USH2A: variants seen among roughly 807,000 people sequenced by gnomAD.
USH2A encodes usherin.
A neutral mutation model predicts 538.9 loss-of-function variants in USH2A; 443 were observed. The ratio of observed to expected loss-of-function variants is 0.82; its 90% CI spans 0.76 to 0.89. USH2A has a LOEUF of 0.89. USH2A is among the 40% of genes least tolerant of loss of function. The pLI is 0.00. For missense variants in USH2A, 6,633 were observed against 6,324.8 expected, an observed-to-expected ratio of 1.05 and a Z score of -1.65; for synonymous variants, 2,413 against 2,273.5, an observed-to-expected ratio of 1.06 and a Z score of -1.75.
In USH2A at chr1:215,680,191, T is replaced by C. The variant is rs769567795; in HGVS notation, c.12252A>G (p.Leu4084=). The change falls in exon 62 of 72, where the codon CTA becomes CTG. Residue 4084 remains leucine (L), a synonymous_variant. Coordinates refer to ENST00000307340, the MANE Select transcript of USH2A (RefSeq NM_206933.4). ...TTCTCATAGGTTCTGACCACTGTAG[T>C]AGCAATGCCCGGCCATTCTCTTTCT... ...VEQKENGRAL[L]LQWSEPMRTN... is the part of the protein sequence containing the mutation. The C allele has an allele frequency of 3.1e-6, 5 of 1,614,184 alleles. No individual in the cohort carries two copies. The highest frequency in any genetic ancestry group is 1.6e-4 in the Middle Eastern group (1 of 6,062).
At chr1:215,916,059 GA>G (rs1217614894) in intron 38 of USH2A, among the ~76,000 whole-genome samples, 16 of 103,126 alleles carry the variant, frequency 1.6e-4, no homozygotes, top group African/African-American at 6.0e-4. Flanking sequence ...AGGGGGGAGG[GA>G]TAGCTTTAGG....
chr1:216,145,484 TA>T (rs953466670), intron 21 of USH2A, among the ~76,000 whole-genome samples: 11 of 152,126 alleles, frequency 7.2e-5, no homozygotes, highest in African/African-American at 1.9e-4. Flanking sequence ...ATTTTAAGAT[TA>T]AAAAAAATCT....
At chr1:216,072,740 T>A in intron 29 of USH2A, 149 bp downstream of exon 29, 1 of 749,608 alleles carries the variant, frequency 1.3e-6, no homozygotes. Flanking sequence ...ATTTTAGCCA[T>A]TGACAGATGT....
intron 16 of USH2A, 26 bp from the exon 17 acceptor site, chr1:216,200,147 C>A (rs769929690): frequency 1.1e-4 from 170 of 1,559,550 alleles, no homozygotes; most frequent in Admixed American, 3.2e-4. Context: ...AAAAAAAAAA[C>A]AAAGTTACAT....
At chr1:216,378,797 G>A (rs2038882402) in intron 3 of USH2A, among the ~76,000 whole-genome samples, 1 of 151,472 alleles carries the variant, frequency 6.6e-6, no homozygotes, top group Non-Finnish European at 1.5e-5. Context: ...ATAGAACAAA[G>A]CCCATTTGAC....
chr1:215,860,542 T>C (rs1175693359), intron 44 of USH2A, among the ~76,000 whole-genome samples: 2 of 152,174 alleles, frequency 1.3e-5, no homozygotes, highest in Non-Finnish European at 1.5e-5. Context: ...ACCTAATATA[T>C]GAAAATCAAA....
intron 58 of USH2A, among the ~76,000 whole-genome samples, chr1:215,752,711 A>G (rs1039303993): frequency 1.3e-5 from 2 of 152,194 alleles, no homozygotes; most frequent in Admixed American, 1.3e-4. Context: ...TGATGCCCCC[A>G]GTAAAATATT....
At chr1:216,135,161 C>CA (rs1247010266) in intron 21 of USH2A, among the ~76,000 whole-genome samples, 1 of 110,174 alleles carries the variant, frequency 9.1e-6, no homozygotes, top group Non-Finnish European at 1.8e-5. Flanking sequence ...CTCTCTCTCT[C>CA]TCTCTCACAC....
At chr1:216,165,323 T>A (rs941742038) in intron 21 of USH2A, among the ~76,000 whole-genome samples, 5 of 152,180 alleles carry the variant, frequency 3.3e-5, no homozygotes, top group Admixed American at 6.6e-5. Flanking sequence ...ATCTAAGAGA[T>A]GTGCAACCAC....
chr1:216,275,653 T>A (rs1462506856), intron 11 of USH2A, among the ~76,000 whole-genome samples: 1 of 152,126 alleles, frequency 6.6e-6, no homozygotes, highest in Non-Finnish European at 1.5e-5. Context: ...AGTAACTTTA[T>A]AAAATATTCA....
intron 44 of USH2A, among the ~76,000 whole-genome samples, chr1:215,852,763 G>A (rs778589322): frequency 1.3e-5 from 2 of 152,200 alleles, no homozygotes; most frequent in Non-Finnish European, 2.9e-5. Context: ...ATCAAGCAGG[G>A]AAGTCAAATC....
intron 4 of USH2A, among the ~76,000 whole-genome samples, chr1:216,339,483 G>A (rs2102676363): frequency 6.6e-6 from 1 of 151,824 alleles, no homozygotes; most frequent in East Asian, 1.9e-4. Context: ...AATGCAGAAT[G>A]TGGGAGGAGG....
chr1:216,181,828 T>C (rs2034499476), intron 20 of USH2A, among the ~76,000 whole-genome samples: 1 of 152,140 alleles, frequency 6.6e-6, no homozygotes, highest in Non-Finnish European at 1.5e-5. Context: ...TTCATCATTT[T>C]CAAGTCTCCT....
At chr1:216,051,713 A>T (rs1488385243) in intron 30 of USH2A, among the ~76,000 whole-genome samples, 1 of 152,222 alleles carries the variant, frequency 6.6e-6, no homozygotes, top group African/African-American at 2.4e-5. Context: ...GCATAGGAAC[A>T]CCATGCCCAA....
At chr1:215,775,607 C>G (rs1014120414) in intron 55 of USH2A, among the ~76,000 whole-genome samples, 2 of 152,270 alleles carry the variant, frequency 1.3e-5, no homozygotes, top group South Asian at 4.2e-4. Flanking sequence ...GTGATAATTA[C>G]TACGAGAGCA....
chr1:215,762,559 T>C (rs994089493), intron 56 of USH2A, among the ~76,000 whole-genome samples: 1 of 152,174 alleles, frequency 6.6e-6, no homozygotes, highest in South Asian at 2.1e-4. Context: ...TTCAAATGTA[T>C]ATATAACTAG....
intron 61 of USH2A, among the ~76,000 whole-genome samples, chr1:215,718,791 A>G (rs1008720061): frequency 8.5e-5 from 13 of 152,228 alleles, no homozygotes; most frequent in Non-Finnish European, 1.8e-4. Context: ...ATCTGTGACA[A>G]GAGCAGAGTA....
chr1:216,149,514 A>T (rs1253724163), intron 21 of USH2A, among the ~76,000 whole-genome samples: 4 of 152,284 alleles, frequency 2.6e-5, no homozygotes, highest in Non-Finnish European at 5.9e-5. Flanking sequence ...AAAGGATTGG[A>T]CAGTACTTTT....
At chr1:216,055,827 C>T (rs1453364617) in intron 30 of USH2A, among the ~76,000 whole-genome samples, 1 of 152,098 alleles carries the variant, frequency 6.6e-6, no homozygotes. Context: ...TACACTTAAC[C>T]CAAACCTAAG....
Sources: gnomAD v4.1 joint callset for allele counts (sites outside exome capture counted in the v4.1 genomes callset) on GRCh38, gnomAD v4.1.1 for gene constraint, MANE v1.5 for transcripts, NCBI Gene and HGNC (gene_info 2026-07-23, HGNC 2026-07-21) for gene names.